SCHIP1: variants seen among roughly 807,000 people sequenced by gnomAD.
The protein encoded by SCHIP1 is schwannomin interacting protein 1.
In SCHIP1, 8 loss-of-function variants were observed where a neutral mutation model predicts 29.7. The observed-to-expected ratio is 0.27, with a 90% CI of 0.16 to 0.49. The LOEUF (loss-of-function observed/expected upper bound fraction) is 0.49. Ranked by LOEUF, SCHIP1 falls within the 20% of genes least tolerant of loss-of-function variation. The pLI, the probability that SCHIP1 is intolerant of heterozygous loss-of-function variation, is 0.99. For synonymous variants in SCHIP1, 76 were observed against 94.9 expected, an observed-to-expected ratio of 0.80 and a Z score of 1.16; for missense variants, 193 against 294.6, an observed-to-expected ratio of 0.66 and a Z score of 2.52.
At chr3:159,592,333 A>G in the SCHIP1 span, among the ~76,000 whole-genome samples, 4 of 152,076 alleles carry the variant, frequency 2.6e-5, no homozygotes, top group South Asian at 2.1e-4. Context: ...ATTTGCCACA[A>G]TTTTTCCCCA....
chr3:159,304,937 A>C, the SCHIP1 span, among the ~76,000 whole-genome samples: 1 of 151,246 alleles, frequency 6.6e-6, no homozygotes, highest in African/African-American at 2.4e-5. Context: ...GCCCATACAC[A>C]CCCTTGTGTC....
At chr3:159,496,666 A>T in the SCHIP1 span, among the ~76,000 whole-genome samples, 19,026 of 152,206 alleles carry the variant, frequency 0.13, 1,197 homozygotes, top group South Asian at 0.13. Flanking sequence ...GGGACTGTAC[A>T]CTAATTCAAC....
chr3:159,484,198 T>A, the SCHIP1 span, among the ~76,000 whole-genome samples: 1 of 152,214 alleles, frequency 6.6e-6, no homozygotes, highest in South Asian at 2.1e-4. Context: ...TGGTAGCTGG[T>A]AAACCAGAAC....
At chr3:159,896,766 G>A (rs1329006813) in exon 7 of SCHIP1, 3 of 1,606,486 alleles carry the variant, frequency 1.9e-6, no homozygotes, top group East Asian at 2.2e-5. Flanking sequence ...GAAAATGCCT[G>A]CAAAGTGAAA....
chr3:159,475,134 G>T, the SCHIP1 span, among the ~76,000 whole-genome samples: 2 of 152,096 alleles, frequency 1.3e-5, no homozygotes, highest in Non-Finnish European at 2.9e-5. Flanking sequence ...GTACATGAAT[G>T]TTCACAGCAG....
At chr3:159,371,226 G>T in the SCHIP1 span, among the ~76,000 whole-genome samples, 1 of 152,168 alleles carries the variant, frequency 6.6e-6, no homozygotes, top group Non-Finnish European at 1.5e-5. Flanking sequence ...TGTGTAGCTT[G>T]CCATACATCA....
chr3:159,289,823 C>T, the SCHIP1 span, among the ~76,000 whole-genome samples: 6 of 152,156 alleles, frequency 3.9e-5, no homozygotes, highest in African/African-American at 9.7e-5. Flanking sequence ...AAATAAATGG[C>T]GGCATATTTC....
chr3:159,746,348 C>T, the SCHIP1 span, among the ~76,000 whole-genome samples: 2 of 152,130 alleles, frequency 1.3e-5, no homozygotes, highest in Non-Finnish European at 2.9e-5. Context: ...CTCTAGTTCT[C>T]ACGTGGGAGA....
the SCHIP1 span, among the ~76,000 whole-genome samples, chr3:159,729,274 T>C: frequency 2.6e-5 from 4 of 152,218 alleles, no homozygotes; most frequent in Admixed American, 6.5e-5. Flanking sequence ...CAGCATGTTG[T>C]TTAATGATGA....
At chr3:159,684,067 T>C in the SCHIP1 span, among the ~76,000 whole-genome samples, 1 of 152,164 alleles carries the variant, frequency 6.6e-6, no homozygotes, top group African/African-American at 2.4e-5. Flanking sequence ...CTGCTGGGCT[T>C]TGAGCACACC....
the SCHIP1 span, among the ~76,000 whole-genome samples, chr3:159,440,295 C>A: frequency 0.024 from 3,706 of 152,210 alleles, 160 homozygotes; most frequent in African/African-American, 0.085. Flanking sequence ...CAGTACCATG[C>A]TGCTTTGGTT....
chr3:159,355,241 T>A, the SCHIP1 span, among the ~76,000 whole-genome samples: 2 of 151,710 alleles, frequency 1.3e-5, no homozygotes, highest in African/African-American at 4.8e-5. Flanking sequence ...CACCACCAAA[T>A]ATACCAAAAA....
chr3:159,891,397 GGAGGGAGGGAGGAAGGGAGC>G lies in SCHIP1; in HGVS notation c.590-687_590-668del, dbSNP rs1355810646. Reference sequence around the variant, plus strand: ...AAAAAAGAAAAAGGAAGGAAGGAAGGGAGGGAGGGAGGAAGGGAGCGAGGGAGGGAGGGAAGAAAGATTTC... The same window carrying G: ...AAAAAAGAAAAAGGAAGGAAGGAAGGGAGGGAGGGAGGGAAGAAAGATTTC... On this transcript the variant is annotated intron_variant, in intron 5 of 6. Coordinates refer to ENST00000445224, the Ensembl canonical transcript of SCHIP1. 2.0e-3 allele frequency among the ~76,000 whole-genome samples: 309 copies of G among 151,978 alleles called. 13 individuals carry two copies. In the East Asian group the frequency reaches 0.054, roughly 27 times the overall value.
chr3:159,714,353 T>C, the SCHIP1 span, among the ~76,000 whole-genome samples: 1 of 152,164 alleles, frequency 6.6e-6, no homozygotes, highest in Non-Finnish European at 1.5e-5. Context: ...CATTTCCAAC[T>C]GAGGTACCGG....
chr3:159,548,421 A>G, the SCHIP1 span, among the ~76,000 whole-genome samples: 1 of 151,970 alleles, frequency 6.6e-6, no homozygotes, highest in Non-Finnish European at 1.5e-5. Flanking sequence ...TCTAAGAGCT[A>G]CAGAATCTAT....
chr3:159,585,424 T>A, the SCHIP1 span, among the ~76,000 whole-genome samples: 1 of 152,170 alleles, frequency 6.6e-6, no homozygotes, highest in Non-Finnish European at 1.5e-5. Context: ...ACCATTATTT[T>A]CCTGTTGTTC....
chr3:159,671,931 A>G, the SCHIP1 span, among the ~76,000 whole-genome samples: 1 of 152,154 alleles, frequency 6.6e-6, no homozygotes, highest in Non-Finnish European at 1.5e-5. Flanking sequence ...GTGACCTGCA[A>G]TTCCACACCA....
the SCHIP1 span, among the ~76,000 whole-genome samples, chr3:159,814,597 G>C: frequency 2.0e-5 from 3 of 152,224 alleles, no homozygotes; most frequent in Admixed American, 2.0e-4. Context: ...CCCCCAGAAA[G>C]CTGTAGCTGG....
At chr3:159,550,726 G>T in the SCHIP1 span, among the ~76,000 whole-genome samples, 1 of 152,090 alleles carries the variant, frequency 6.6e-6, no homozygotes, top group African/African-American at 2.4e-5. Context: ...CAAAATCAAT[G>T]GAACTCAATT....
Sources: allele counts gnomAD v4.1 joint callset (sites outside exome capture counted in the v4.1 genomes callset), GRCh38; gene constraint gnomAD v4.1.1; transcripts MANE v1.5; gene names NCBI Gene and HGNC (gene_info 2026-07-23, HGNC 2026-07-21).